The following DST variants were observed in gnomAD, a reference collection of about 807,000 sequenced individuals.
DST encodes bullous pemphigoid antigen.
DST carries 253 observed loss-of-function variants against 875.2 expected under a neutral mutation model. The ratio of observed to expected loss-of-function variants is 0.29; its 90% CI spans 0.26 to 0.32. The LOEUF (loss-of-function observed/expected upper bound fraction) is 0.32, where lower values mean the gene tolerates loss of function less well. Among genes scored for constraint, DST ranks in the 10% least tolerant of loss-of-function variants. The pLI, the probability that DST is intolerant of heterozygous loss-of-function variation, is 1.00. For synonymous variants in DST, 3,124 were observed against 3,197.1 expected (o/e 0.98, Z 0.77); for missense variants, 8,287 against 9,111.6 (o/e 0.91, Z 3.68).
intron 3 of DST, among the ~76,000 whole-genome samples, chr6:56,873,673 A>G (rs1778372521): frequency 6.6e-6 from 1 of 152,154 alleles, no homozygotes; most frequent in African/African-American, 2.4e-5. Context: ...GGATCTCATG[A>G]AGATAGAGAA....
chr6:56,667,829 A>G (rs1263134956), intron 10 of DST, among the ~76,000 whole-genome samples: 1 of 127,386 alleles, frequency 7.9e-6, no homozygotes, highest in Non-Finnish European at 1.5e-5. Flanking sequence ...ATATATATAT[A>G]CACACACACA....
chr6:56,713,001 C>A (rs1033467899), intron 5 of DST, among the ~76,000 whole-genome samples: 3 of 152,128 alleles, frequency 2.0e-5, no homozygotes, highest in Admixed American at 2.0e-4. Context: ...AAAGAGAGCT[C>A]CTGGGACAGA....
At chr6:56,664,145 A>G (rs1398147056) in intron 10 of DST, among the ~76,000 whole-genome samples, 4 of 152,126 alleles carry the variant, frequency 2.6e-5, no homozygotes, top group Non-Finnish European at 5.9e-5. Context: ...CAGATTTGCA[A>G]AGCCCTCCTG....
intron 7 of DST, among the ~76,000 whole-genome samples, chr6:56,702,402 C>CACAT (rs2099313066): frequency 1.3e-5 from 2 of 150,820 alleles, no homozygotes; most frequent in Admixed American, 6.6e-5. Context: ...CACACACACA[C>CACAT]ATATATATAT....
intron 4 of DST, among the ~76,000 whole-genome samples, chr6:56,790,162 T>C (rs1169625368): frequency 6.6e-6 from 1 of 151,964 alleles, no homozygotes; most frequent in Non-Finnish European, 1.5e-5. Flanking sequence ...CCATTATTTC[T>C]CCAGAGCCGG....
At chr6:56,514,609 A>ACC (rs1562488852) in intron 72 of DST, among the ~76,000 whole-genome samples, 1 of 146,936 alleles carries the variant, frequency 6.8e-6, no homozygotes, top group Non-Finnish European at 1.5e-5. Flanking sequence ...ACACACACAC[A>ACC]CACCCCCTCA....
rs1449345673 is a variant in DST at position 56,632,070 on chromosome 6, C to T, written c.3806-30G>A. Reference sequence around the variant, plus strand: ...GAAAATAAATATGTTTAGAAAATACCTTGTTTTCTATCTCTTAGAAGCTTC... The same window carrying T: ...GAAAATAAATATGTTTAGAAAATACTTTGTTTTCTATCTCTTAGAAGCTTC... On this transcript the variant is annotated intron_variant, in intron 28 of 103. Coordinates refer to ENST00000680361, the MANE Select transcript of DST (RefSeq NM_001374736.1). 6 of 1,559,220 alleles carry T rather than the reference C, an allele frequency of 3.8e-6. No individual in the cohort carries two copies. In the African/African-American group the frequency reaches 4.1e-5, roughly 11 times the overall value.
chr6:56,633,087 G>C (rs753084293), intron 27 of DST, 50 bp from the exon 28 acceptor site: 2 of 1,494,976 alleles, frequency 1.3e-6, no homozygotes, highest in South Asian at 2.3e-5. Context: ...TCATAGATTT[G>C]AATGGGAGAC....
At chr6:56,603,814 A>C (rs752815579) in intron 40 of DST, 23 bp downstream of exon 40, 10 of 1,596,534 alleles carry the variant, frequency 6.3e-6, no homozygotes, top group Non-Finnish European at 7.7e-6. Context: ...CTTTTTCTGT[A>C]TAAAATGTAT....
chr6:56,741,728 A>G (rs1488445777), intron 4 of DST, among the ~76,000 whole-genome samples: 1 of 152,224 alleles, frequency 6.6e-6, no homozygotes, highest in Non-Finnish European at 1.5e-5. Context: ...AGAGATGTCT[A>G]ACACTGAGAT....
intron 1 of DST, among the ~76,000 whole-genome samples, chr6:56,954,055 T>C (rs1013037957): frequency 6.6e-6 from 1 of 152,250 alleles, no homozygotes; most frequent in Non-Finnish European, 1.5e-5. Context: ...GAAGTTTCCA[T>C]GCCTTACTTT....
intron 23 of DST, among the ~76,000 whole-genome samples, chr6:56,636,081 A>G (rs1176505360): frequency 3.3e-5 from 5 of 152,134 alleles, no homozygotes; most frequent in Non-Finnish European, 7.4e-5. Context: ...CTCTATATGA[A>G]AACAGTTCCT....
intron 3 of DST, among the ~76,000 whole-genome samples, chr6:56,865,238 T>C (rs113135780): frequency 0.032 from 4,869 of 152,016 alleles, 278 homozygotes; most frequent in African/African-American, 0.11. Flanking sequence ...TGTGACAATC[T>C]ACCTCCCTGC....
intron 4 of DST, among the ~76,000 whole-genome samples, chr6:56,835,818 G>A (rs1285656077): frequency 2.6e-5 from 4 of 152,128 alleles, no homozygotes; most frequent in African/African-American, 9.7e-5. Context: ...TTTAATACCA[G>A]GGTTCACTGG....
intron 56 of DST, among the ~76,000 whole-genome samples, 177 bp from the exon 57 acceptor site, chr6:56,561,726 T>C (rs2097538402): frequency 6.6e-6 from 1 of 152,192 alleles, no homozygotes; most frequent in Admixed American, 6.6e-5. Flanking sequence ...TATAATGCTA[T>C]TTAGTCACAA....
intron 4 of DST, among the ~76,000 whole-genome samples, chr6:56,776,454 G>A (rs2099679367): frequency 6.6e-6 from 1 of 152,186 alleles, no homozygotes; most frequent in African/African-American, 2.4e-5. Context: ...TGGTCCATTA[G>A]TTATGATACA....
At chr6:56,788,926 A>T (rs2099710412) in intron 4 of DST, among the ~76,000 whole-genome samples, 1 of 152,238 alleles carries the variant, frequency 6.6e-6, no homozygotes, top group South Asian at 2.1e-4. Context: ...GGAATTTCAG[A>T]GTCAACATGA....
rs769610094 is a variant in DST at position 56,489,580 on chromosome 6, C to T, written c.20787G>A (p.Glu6929=). The change falls in exon 86 of 104, where the codon GAG becomes GAA. Residue 6929 remains glutamate, a synonymous_variant. Transcript: ENST00000680361. ...QFHEAWSKLM[E]WLEESEKSLD... is the part of the protein sequence containing the mutation. Reference sequence around the variant, plus strand: ...AAGACTTTTCTGACTCTTCTAGCCACTCCATAAGTTTACTCCAAGCTTCAT... The same window carrying T: ...AAGACTTTTCTGACTCTTCTAGCCATTCCATAAGTTTACTCCAAGCTTCAT... 16 of 1,612,404 alleles carry T rather than the reference C, an allele frequency of 9.9e-6. No individual in the cohort carries two copies. Among genetic ancestry groups the T allele is most frequent in the Non-Finnish European group, 2.5e-6 (3 of 1,179,224 alleles).
chr6:56,555,257 G>A (rs2097394788), intron 60 of DST, 88 bp downstream of exon 60: 2 of 1,405,272 alleles, frequency 1.4e-6, no homozygotes, highest in Admixed American at 2.3e-5. Context: ...TCTCTTTGGG[G>A]TCCTGGATTA....
Sources: allele counts gnomAD v4.1 joint callset (sites outside exome capture counted in the v4.1 genomes callset), GRCh38; gene constraint gnomAD v4.1.1; transcripts MANE v1.5; gene names NCBI Gene and HGNC (gene_info 2026-07-23, HGNC 2026-07-21).